LHFPL3: variants seen among roughly 807,000 people sequenced by gnomAD.
LHFPL3 encodes the protein LHFPL tetraspan subfamily member 3 protein.
LHFPL3 carries 5 observed loss-of-function variants against 19.3 expected under a neutral mutation model. That is an observed-to-expected ratio of 0.26 (90% CI 0.14 to 0.54). LHFPL3 has a LOEUF of 0.54. Ranked by LOEUF, LHFPL3 falls within the 20% of genes least tolerant of loss-of-function variation. The pLI is 0.94. For missense variants in LHFPL3, 249 were observed against 307.4 expected, an observed-to-expected ratio of 0.81 and a Z score of 1.42; for synonymous variants, 133 against 126.2, an observed-to-expected ratio of 1.05 and a Z score of -0.36.
At chr7:104,649,691 GA>G (rs750932428) in intron 1 of LHFPL3, among the ~76,000 whole-genome samples, 52 of 152,336 alleles carry the variant, frequency 3.4e-4, no homozygotes, top group Non-Finnish European at 6.2e-4. Flanking sequence ...AATTCAGGGA[GA>G]GGGAAGGATT....
At chr7:104,881,359 A>C (rs530637910) in intron 2 of LHFPL3, among the ~76,000 whole-genome samples, 3 of 152,330 alleles carry the variant, frequency 2.0e-5, no homozygotes, top group African/African-American at 7.2e-5. Flanking sequence ...ATTTATAAAA[A>C]TATCAACATT....
At chr7:104,369,190 T>A (rs1790560641) in intron 1 of LHFPL3, among the ~76,000 whole-genome samples, 1 of 152,094 alleles carries the variant, frequency 6.6e-6, no homozygotes, top group African/African-American at 2.4e-5. Context: ...CCCCCAAAAT[T>A]CTCTTGAGTC....
At chr7:104,474,261 C>G (rs11972050) in intron 1 of LHFPL3, among the ~76,000 whole-genome samples, 81,409 of 151,992 alleles carry the variant, frequency 0.54, 22,189 homozygotes, top group Middle Eastern at 0.58. Flanking sequence ...TGCTTCAAAA[C>G]ACCTACAAAG....
At chr7:104,470,071 A>C in intron 1 of LHFPL3, 1 of 456,036 alleles carries the variant, frequency 2.2e-6, no homozygotes, top group Non-Finnish European at 4.4e-6. Flanking sequence ...CTGAATGGAA[A>C]GAATGGTAGT....
chr7:104,876,683 G>A (rs1438782338), intron 2 of LHFPL3, among the ~76,000 whole-genome samples: 2 of 152,008 alleles, frequency 1.3e-5, no homozygotes, highest in South Asian at 2.1e-4. Flanking sequence ...TGGTGGGACT[G>A]TAAACTAGTT....
At chr7:104,442,111 T>C (rs1440242489) in intron 1 of LHFPL3, among the ~76,000 whole-genome samples, 1 of 152,110 alleles carries the variant, frequency 6.6e-6, no homozygotes, top group Non-Finnish European at 1.5e-5. Context: ...TGAGGTGATA[T>C]ATCATTGTGG....
At chr7:104,581,120 T>C (rs1790452085) in intron 1 of LHFPL3, among the ~76,000 whole-genome samples, 1 of 152,046 alleles carries the variant, frequency 6.6e-6, no homozygotes, top group Admixed American at 6.6e-5. Flanking sequence ...CCAAAGTGAT[T>C]GATCCATTTT....
At chr7:104,412,469 G>C (rs774463860) in intron 1 of LHFPL3, among the ~76,000 whole-genome samples, 2 of 151,902 alleles carry the variant, frequency 1.3e-5, no homozygotes, top group African/African-American at 4.8e-5. Context: ...AATATGCCTA[G>C]ACAACACAAA....
intron 1 of LHFPL3, among the ~76,000 whole-genome samples, chr7:104,708,991 T>A (rs941466089): frequency 6.6e-6 from 1 of 152,030 alleles, no homozygotes; most frequent in African/African-American, 2.4e-5. Context: ...AAAACCACTT[T>A]AGGTCTGGCC....
At chr7:104,358,030 G>A (rs1299804980) in intron 1 of LHFPL3, among the ~76,000 whole-genome samples, 1 of 152,138 alleles carries the variant, frequency 6.6e-6, no homozygotes, top group Non-Finnish European at 1.5e-5. Context: ...ATGGGATCAG[G>A]CAATTTACAG....
chr7:104,430,403 T>TATATAC (rs1791953187), intron 1 of LHFPL3, among the ~76,000 whole-genome samples: 1 of 39,664 alleles, frequency 2.5e-5, no homozygotes, highest in African/African-American at 1.8e-4. Flanking sequence ...TATATATATA[T>TATATAC]ACATATATAT....
At chr7:104,491,299 C>G (rs1008930396) in intron 1 of LHFPL3, among the ~76,000 whole-genome samples, 2 of 152,096 alleles carry the variant, frequency 1.3e-5, no homozygotes, top group South Asian at 4.1e-4. Context: ...TTTGGGCAAG[C>G]TTTAGGGAAT....
At chr7:104,661,475 A>C (rs1792222326) in intron 1 of LHFPL3, among the ~76,000 whole-genome samples, 1 of 152,210 alleles carries the variant, frequency 6.6e-6, no homozygotes, top group Admixed American at 6.5e-5. Context: ...TTAAATCAGG[A>C]AGTGAATGAA....
At chr7:104,898,489 T>C (rs1020104456) in intron 2 of LHFPL3, among the ~76,000 whole-genome samples, 1 of 152,130 alleles carries the variant, frequency 6.6e-6, no homozygotes, top group Non-Finnish European at 1.5e-5. Flanking sequence ...AAAGGGAAAA[T>C]AAACTTCTCT....
intron 1 of LHFPL3, among the ~76,000 whole-genome samples, chr7:104,630,051 T>A (rs1323352080): frequency 6.6e-6 from 1 of 152,176 alleles, no homozygotes; most frequent in Admixed American, 6.5e-5. Context: ...AAGCCTCTGA[T>A]AAGCATAGTA....
intron 1 of LHFPL3, among the ~76,000 whole-genome samples, chr7:104,725,123 C>T (rs1301184925): frequency 1.3e-5 from 2 of 152,208 alleles, no homozygotes. Context: ...AAACAGGGAA[C>T]AATGGCTTGC....
At chr7:104,412,985 T>G (rs976793177) in intron 1 of LHFPL3, among the ~76,000 whole-genome samples, 1 of 152,202 alleles carries the variant, frequency 6.6e-6, no homozygotes, top group Non-Finnish European at 1.5e-5. Flanking sequence ...CTTCGTCCAT[T>G]GCACTCCACA....
At chr7:104,421,804 A>G (rs557946894) in intron 1 of LHFPL3, among the ~76,000 whole-genome samples, 5 of 152,170 alleles carry the variant, frequency 3.3e-5, no homozygotes, top group African/African-American at 1.2e-4. Flanking sequence ...ATCCACCCCA[A>G]ATTCATACAT....
intron 1 of LHFPL3, among the ~76,000 whole-genome samples, chr7:104,352,163 TA>T (rs531724329): frequency 1.8e-3 from 252 of 136,366 alleles, no homozygotes; most frequent in Middle Eastern, 3.8e-3. Flanking sequence ...AGGCCCTGTA[TA>T]AAAAAAAAAA....
Sources: allele counts gnomAD v4.1 joint callset (sites outside exome capture counted in the v4.1 genomes callset), GRCh38; gene constraint gnomAD v4.1.1; transcripts MANE v1.5; gene names NCBI Gene and HGNC (gene_info 2026-07-23, HGNC 2026-07-21).